SCAP: variants seen among roughly 807,000 people sequenced by gnomAD.
The protein encoded by SCAP is SREBF chaperone, also known as sterol regulatory element-binding protein cleavage-activating protein.
In SCAP, 65 loss-of-function variants were observed where a neutral mutation model predicts 123.6. The observed-to-expected ratio is 0.53, with a 90% CI of 0.43 to 0.65. The LOEUF (loss-of-function observed/expected upper bound fraction) is 0.65, where lower values mean the gene tolerates loss of function less well. Ranked by LOEUF, SCAP falls within the 30% of genes least tolerant of loss-of-function variation. SCAP has a pLI of 0.00. For synonymous variants in SCAP, 740 were observed against 726.3 expected (o/e 1.02, Z -0.30); for missense variants, 1,398 against 1,712.5 (o/e 0.82, Z 3.24).
chr3:47,419,505 G>A lies in SCAP; in HGVS notation c.1763C>T (p.Pro588Leu). The A allele has an allele frequency of 6.2e-7, 1 of 1,614,006 alleles. No individual in the cohort carries two copies. Among genetic ancestry groups the A allele is most frequent in the African/African-American group, 1.3e-5 (1 of 75,062 alleles). ...SIFPPDAPKL[P>L]ENQTSPGESP... ...CTCGCCTGGCGACGTCTGGTTCTCA[G>A]GTAGCTTAGGGGCATCAGGTGGGAA... The change falls in exon 13 of 23, where the codon CCT becomes CTT. Residue 588 changes from proline to leucine, a missense_variant. Physicochemically the swap from Pro to Leu is moderately conservative, Grantham distance 98. Around this residue, in one of 7 missense-constraint regions of SCAP, gnomAD observed 828 missense variants for 882.5 expected, o/e 0.94. Coordinates refer to ENST00000265565, the MANE Select transcript of SCAP (RefSeq NM_012235.4). This position sits in a 1 kb window ranked among gnomAD's most constrained non-coding sequence, Gnocchi z 5.0.
Position 47,419,755 on chromosome 3 carries a change from G to T in SCAP, c.1564-51C>A. 6.6e-7 allele frequency: 1 copy of T among 1,505,132 alleles called. No homozygotes were observed. Among genetic ancestry groups the T allele is most frequent in the Admixed American group, 2.3e-5 (1 of 43,146 alleles). 93.2% of individuals were successfully genotyped at this position (1,505,132 alleles called of 1,614,324 possible). ...TGGGAGGAATGGGCCCCAACCCCCA[G>T]CAGCTTCAGCCCTCATGCTGAGAGG... On this transcript the variant is annotated intron_variant, in intron 12 of 22. Coordinates refer to ENST00000265565, the MANE Select transcript of SCAP (RefSeq NM_012235.4). This position sits in a 1 kb window ranked among gnomAD's most constrained non-coding sequence, Gnocchi z 5.0.
chr3:47,448,240 CTA>C (rs755904997), intron 1 of SCAP, among the ~76,000 whole-genome samples: 14 of 152,160 alleles, frequency 9.2e-5, no homozygotes, highest in Non-Finnish European at 1.8e-4. Flanking sequence ...TTTTTAGCAA[CTA>C]TGTTTTCAAT....
intron 1 of SCAP, among the ~76,000 whole-genome samples, chr3:47,465,890 T>G (rs1159325652): frequency 6.6e-6 from 1 of 150,376 alleles, no homozygotes; most frequent in African/African-American, 2.4e-5. Context: ...ATCCCACCAC[T>G]TTGGGAGGCC....
rs536125750 is a variant in SCAP at position 47,435,087 on chromosome 3, G to A, written c.173C>T (p.Thr58Ile). 1 of 1,614,106 alleles carries A rather than the reference G, an allele frequency of 6.2e-7. No homozygotes were observed. The highest frequency in any genetic ancestry group is 1.1e-5 in the South Asian group (1 of 91,084). The change falls in exon 3 of 23, where the codon ACC becomes ATC. Residue 58 changes from threonine (T) to isoleucine (I), a missense_variant. Thr to Ile is a moderately conservative substitution (Grantham distance 89, BLOSUM62 -1). Transcript: ENST00000265565. ...PLPGTGPVEF[T>I]TPVKDYSPPP... ...GGGCGAGTAATCCTTCACAGGGGTG[G>A]TGAATTCCACAGGTCCTGTTCCTGG...
chr3:47,447,588 G>A (rs928511558), intron 1 of SCAP, among the ~76,000 whole-genome samples: 21 of 151,730 alleles, frequency 1.4e-4, no homozygotes, highest in Middle Eastern at 6.8e-3. Flanking sequence ...CTTGGGAGGC[G>A]GAGACAGGAG....
intron 2 of SCAP, among the ~76,000 whole-genome samples, chr3:47,438,219 T>C (rs953908130): frequency 5.3e-5 from 8 of 152,268 alleles, no homozygotes; most frequent in Admixed American, 3.3e-4. Context: ...ATATTTTAAA[T>C]ACATTTATTA....
At chr3:47,421,283 A>G in intron 10 of SCAP, 1 of 487,390 alleles carries the variant, frequency 2.1e-6, no homozygotes, top group Non-Finnish European at 3.8e-6. Flanking sequence ...ACCTTCCCTG[A>G]ATCTTCCGGT....
In SCAP at chr3:47,418,641, C is replaced by T; in HGVS notation, c.2129+14G>A. ...CCGCACTCTTTCCCACCCCACCCCA[C>T]CCAGCAGCCTTACTTGTACAGCGTG... On this transcript the variant is annotated intron_variant, in intron 14 of 22. Coordinates refer to ENST00000265565, the MANE Select transcript of SCAP (RefSeq NM_012235.4). 6.3e-7 allele frequency: 1 copy of T among 1,597,628 alleles called. No individual in the cohort carries two copies. The highest frequency in any genetic ancestry group is 8.5e-7 in the Non-Finnish European group (1 of 1,171,612).
intron 1 of SCAP, among the ~76,000 whole-genome samples, chr3:47,471,940 A>T (rs1230105273): frequency 6.6e-6 from 1 of 151,662 alleles, no homozygotes; most frequent in Non-Finnish European, 1.5e-5. Flanking sequence ...CAGGAGTTTG[A>T]GACCAGCCTA....
intron 2 of SCAP, among the ~76,000 whole-genome samples, chr3:47,438,728 C>T (rs889423411): frequency 1.3e-5 from 2 of 151,626 alleles, no homozygotes; most frequent in Non-Finnish European, 2.9e-5. Flanking sequence ...GCAGGAGAAT[C>T]GCTTGAACCC....
chr3:47,435,721 G>A (rs1164881950), intron 2 of SCAP, among the ~76,000 whole-genome samples: 1 of 152,018 alleles, frequency 6.6e-6, no homozygotes, highest in Non-Finnish European at 1.5e-5. Flanking sequence ...TTACTGAAAG[G>A]AAACACCAAC....
chr3:47,429,796 C>T (rs1216231895), intron 3 of SCAP, among the ~76,000 whole-genome samples: 2 of 152,144 alleles, frequency 1.3e-5, no homozygotes, highest in East Asian at 1.9e-4. Flanking sequence ...CAACAGAGGC[C>T]GTCTGGCCCG....
At chr3:47,466,154 A>AAAAAAAAAAG (rs1559571041) in intron 1 of SCAP, among the ~76,000 whole-genome samples, 1 of 142,120 alleles carries the variant, frequency 7.0e-6, no homozygotes, top group African/African-American at 2.6e-5. Context: ...AAAAAAAAAA[A>AAAAAAAAAAG]AAAGAAAGAA....
chr3:47,457,776 G>A (rs1029788231), intron 1 of SCAP, among the ~76,000 whole-genome samples: 6 of 151,710 alleles, frequency 4.0e-5, no homozygotes, highest in South Asian at 2.1e-4. Flanking sequence ...GCCTGGTGGC[G>A]GGTGCCTGTA....
At position 47,417,507 on chromosome 3, in the gene SCAP, C is replaced by T. The variant is rs527747059; in HGVS notation, c.2767G>A (p.Glu923Lys). ...SCLVQRVYQEEGLAAVCTPAL... is the reference protein window; with the variant it reads ...SCLVQRVYQEKGLAAVCTPAL... ...GGTGTGCAGACGGCCGCCAGCCCCTCCTCCTGGTACACCCGCTGCACCAGG... is the reference window on the plus strand; with the variant it reads ...GGTGTGCAGACGGCCGCCAGCCCCTTCTCCTGGTACACCCGCTGCACCAGG... The change falls in exon 17 of 23, where the codon GAG becomes AAG. Residue 923 changes from glutamate (E) to lysine (K), a missense_variant. Transcript: ENST00000265565. The T allele has an allele frequency of 5.5e-4, 852 of 1,555,486 alleles. 1 individual carries two copies. Among genetic ancestry groups the T allele is most frequent in the Non-Finnish European group, 6.5e-4 (751 of 1,150,224 alleles).
chr3:47,450,511 G>GT (rs572545256), intron 1 of SCAP, among the ~76,000 whole-genome samples: 11,436 of 105,358 alleles, frequency 0.11, 3,178 homozygotes, highest in African/African-American at 0.34. Flanking sequence ...TATATGCAGG[G>GT]TTTTTTTTTT....
intron 2 of SCAP, among the ~76,000 whole-genome samples, chr3:47,436,406 G>A (rs1388227105): frequency 6.6e-6 from 1 of 152,176 alleles, no homozygotes; most frequent in East Asian, 1.9e-4. Flanking sequence ...GGCCAAGCGG[G>A]CGGATCATTT....
intron 1 of SCAP, among the ~76,000 whole-genome samples, chr3:47,459,891 G>A (rs927716557): frequency 2.6e-5 from 4 of 152,092 alleles, no homozygotes; most frequent in Admixed American, 6.6e-5. Context: ...AGACCAGGGC[G>A]TATTTCAGTC....
chr3:47,422,604 A>C, intron 9 of SCAP, 68 bp from the exon 10 acceptor site: 866 of 1,327,756 alleles, frequency 6.5e-4, no homozygotes, highest in Non-Finnish European at 8.1e-4. Flanking sequence ...ACACAACCTC[A>C]TGGGCCTCGG....
Sources: allele counts gnomAD v4.1 joint callset (sites outside exome capture counted in the v4.1 genomes callset), GRCh38; gene constraint gnomAD v4.1.1; regional missense constraint gnomAD v4.1.1; non-coding constraint Gnocchi (gnomAD v3.1); transcripts MANE v1.5; gene names NCBI Gene and HGNC (gene_info 2026-07-23, HGNC 2026-07-21).